RABGEF1: variants seen among roughly 807,000 people sequenced by gnomAD.
RABGEF1 encodes the protein rab5 GDP/GTP exchange factor.
In RABGEF1, 26 loss-of-function variants were observed where a neutral mutation model predicts 57.3. That is an observed-to-expected ratio of 0.45 (90% CI 0.33 to 0.63). RABGEF1 has a LOEUF of 0.63. Ranked by LOEUF, RABGEF1 falls within the 20% of genes least tolerant of loss-of-function variation. The pLI is 0.02. For synonymous variants in RABGEF1, 185 were observed against 210.7 expected (o/e 0.88, Z 1.06); for missense variants, 464 against 607.6 (o/e 0.76, Z 2.48).
At chr7:66,787,460 C>T (rs1202194396) in intron 4 of RABGEF1, among the ~76,000 whole-genome samples, 1 of 151,628 alleles carries the variant, frequency 6.6e-6, no homozygotes, top group Non-Finnish European at 1.5e-5. Flanking sequence ...TTTTATGCCC[C>T]AGCCTCCCGC....
At chr7:66,700,487 C>CGGAGGGGGAGGAGGGTAGTGGGGT (rs35510019) in intron 1 of RABGEF1, among the ~76,000 whole-genome samples, 1 of 137,200 alleles carries the variant, frequency 7.3e-6, no homozygotes, top group Non-Finnish European at 1.6e-5. Context: ...AAGCGGGCCC[C>CGGAGGGGGAGGAGGGTAGTGGGGT]GGAGGGGGAG....
At chr7:66,702,558 G>C (rs4717311) in intron 1 of RABGEF1, among the ~76,000 whole-genome samples, 5,571 of 152,188 alleles carry the variant, frequency 0.037, 160 homozygotes, top group East Asian at 0.085. Context: ...CTGCCACACT[G>C]TTTTTCACGG....
intron 2 of RABGEF1, among the ~76,000 whole-genome samples, chr7:66,719,289 T>G (rs917672789): frequency 1.3e-5 from 2 of 152,178 alleles, no homozygotes; most frequent in East Asian, 3.8e-4. Context: ...CTCTTAGAGC[T>G]CCTTCTGTCT....
intron 2 of RABGEF1, among the ~76,000 whole-genome samples, chr7:66,772,870 C>T (rs1201907930): frequency 6.6e-6 from 1 of 151,412 alleles, no homozygotes; most frequent in Non-Finnish European, 1.5e-5. Flanking sequence ...TGAGATCATG[C>T]CACTGCACTC....
At chr7:66,779,445 A>G (rs1369342775) in intron 3 of RABGEF1, among the ~76,000 whole-genome samples, 2 of 151,882 alleles carry the variant, frequency 1.3e-5, no homozygotes, top group Non-Finnish European at 2.9e-5. Flanking sequence ...TGGAGATTGC[A>G]GTGAGCCAAG....
Position 66,730,949 on chromosome 7 carries a change from G to C in RABGEF1, c.-814-9047G>C, listed in dbSNP as rs538735260. Among the ~76,000 whole-genome samples the C allele has an allele frequency of 2.6e-5, 4 of 152,288 alleles. 1 individual carries two copies. In the South Asian group the frequency reaches 8.3e-4, roughly 32 times the overall value. On this transcript the variant is annotated intron_variant and NMD_transcript_variant, in intron 2 of 9. Coordinates refer to the RABGEF1 transcript ENST00000607882. Reference sequence around the variant, plus strand: ...GGAGGCACAGAACTGGCAGGGGTGGGGTGGATTCGGGGAGAATTGCCTGAG... The same window carrying C: ...GGAGGCACAGAACTGGCAGGGGTGGCGTGGATTCGGGGAGAATTGCCTGAG...
At chr7:66,751,933 A>G (rs1801516711) in intron 1 of RABGEF1, among the ~76,000 whole-genome samples, 1 of 152,132 alleles carries the variant, frequency 6.6e-6, no homozygotes, top group Non-Finnish European at 1.5e-5. Flanking sequence ...ACATTGGCTC[A>G]CACCTGTAAT....
At chr7:66,792,549 A>G (rs1248793345) in intron 4 of RABGEF1, among the ~76,000 whole-genome samples, 1 of 152,152 alleles carries the variant, frequency 6.6e-6, no homozygotes, top group African/African-American at 2.4e-5. Context: ...GGAACCTTGG[A>G]TTTAGGGATC....
intron 1 of RABGEF1, among the ~76,000 whole-genome samples, chr7:66,749,523 C>G (rs960957261): frequency 6.6e-6 from 1 of 152,140 alleles, no homozygotes; most frequent in Non-Finnish European, 1.5e-5. Flanking sequence ...CAGAACTTTG[C>G]GAGGTGTTGT....
At chr7:66,705,445 G>GAC (rs749409352) in intron 1 of RABGEF1, among the ~76,000 whole-genome samples, 15,777 of 89,448 alleles carry the variant, frequency 0.18, 2,156 homozygotes, top group East Asian at 0.3. Flanking sequence ...TCGAAAGAAA[G>GAC]AGAGAGAGAG....
chr7:66,697,826 A>G (rs1051302141), intron 1 of RABGEF1, among the ~76,000 whole-genome samples: 5 of 152,102 alleles, frequency 3.3e-5, no homozygotes, highest in African/African-American at 1.2e-4. Context: ...CGGTGGGGCC[A>G]TCGGAGGAAG....
chr7:66,676,966 G>A, the RABGEF1 span, among the ~76,000 whole-genome samples: 32 of 152,254 alleles, frequency 2.1e-4, no homozygotes, highest in Admixed American at 6.5e-4. Context: ...TTGCCTGTCC[G>A]TTTGGTTTCA....
chr7:66,753,701 G>GTTTTTTTTTTTTTTTTTTTTTT (rs1224800315), intron 1 of RABGEF1, among the ~76,000 whole-genome samples: 1 of 78,764 alleles, frequency 1.3e-5, no homozygotes, highest in Non-Finnish European at 2.3e-5. Context: ...TTTTGCCATC[G>GTTTTTTTTTTTTTTTTTTTTTT]TTTTTTTTTT....
intron 8 of RABGEF1, among the ~76,000 whole-genome samples, chr7:66,806,633 A>G (rs1788497437): frequency 6.8e-6 from 1 of 146,728 alleles, no homozygotes; most frequent in Non-Finnish European, 1.5e-5. Context: ...AGAAGTACTC[A>G]TATATCCTTT....
intron 2 of RABGEF1, chr7:66,773,746 A>T (rs138725838): frequency 4.4e-4 from 200 of 453,526 alleles, no homozygotes; most frequent in African/African-American, 3.4e-3. Flanking sequence ...ACTTACTGCA[A>T]CCTCTGCTTC....
chr7:66,760,765 G>C (rs1399418802), intron 1 of RABGEF1, among the ~76,000 whole-genome samples: 1 of 109,446 alleles, frequency 9.1e-6, no homozygotes, highest in African/African-American at 2.8e-5. Flanking sequence ...TTAACATAAT[G>C]GCTAATACTC....
Position 66,789,824 on chromosome 7 carries a change from C to G in RABGEF1, c.514-5687C>G, listed in dbSNP as rs568164275. Among the ~76,000 whole-genome samples the G allele has an allele frequency of 7.1e-4, 108 of 152,118 alleles. 1 individual carries two copies. The highest frequency in any genetic ancestry group is 3.4e-3 in the Middle Eastern group (1 of 292). ...TCATCCTGGGGCAGCCGTGGTGGCT[C>G]CATGCGTGAGGCTGGTGCCATGCAG... On this transcript the variant is annotated intron_variant, in intron 4 of 8. Transcript: ENST00000284957.
intron 3 of RABGEF1, among the ~76,000 whole-genome samples, chr7:66,777,189 G>A (rs150305156): frequency 6.6e-6 from 1 of 152,290 alleles, no homozygotes; most frequent in East Asian, 1.9e-4. Flanking sequence ...CTTAAGGTCT[G>A]TTTCTTGATG....
At chr7:66,799,266 A>C in intron 6 of RABGEF1, 57 bp from the exon 7 acceptor site, 1 of 1,440,776 alleles carries the variant, frequency 6.9e-7, no homozygotes, top group Non-Finnish European at 9.7e-7. Context: ...GGAGGTGACA[A>C]GACAAATGGC....
Sources: gnomAD v4.1 joint callset for allele counts (sites outside exome capture counted in the v4.1 genomes callset) on GRCh38, gnomAD v4.1.1 for gene constraint, MANE v1.5 for transcripts, NCBI Gene and HGNC (gene_info 2026-07-23, HGNC 2026-07-21) for gene names.